PKNOX2: variants seen among roughly 807,000 people sequenced by gnomAD.
PKNOX2 encodes PBX/knotted 1 homeobox 2.
A neutral mutation model predicts 53.1 loss-of-function variants in PKNOX2; 14 were observed. The observed-to-expected ratio is 0.26, with a 90% CI of 0.17 to 0.41. The LOEUF is 0.41. PKNOX2 is among the 10% of genes least tolerant of loss of function. The pLI, the probability that PKNOX2 is intolerant of heterozygous loss-of-function variation, is 1.00. For missense variants in PKNOX2, 496 were observed against 602.8 expected, an observed-to-expected ratio of 0.82 and a Z score of 1.85; for synonymous variants, 257 against 242.8, an observed-to-expected ratio of 1.06 and a Z score of -0.54.
At chr11:125,406,878 G>T (rs1425923956) in intron 7 of PKNOX2, among the ~76,000 whole-genome samples, 4 of 143,492 alleles carry the variant, frequency 2.8e-5, no homozygotes, top group Non-Finnish European at 4.5e-5. Context: ...CTAGATGATG[G>T]GTGAGGGTCT....
chr11:125,266,855 G>A (rs1457965788), intron 2 of PKNOX2: 1 of 152,242 alleles, frequency 6.6e-6, no homozygotes, highest in Non-Finnish European at 1.5e-5. Context: ...TTAGCACAAG[G>A]AAATGAGGAA....
chr11:125,171,222 G>T (rs1955297138), intron 1 of PKNOX2, among the ~76,000 whole-genome samples: 1 of 152,202 alleles, frequency 6.6e-6, no homozygotes, highest in Non-Finnish European at 1.5e-5. Context: ...TTGCTGGGGA[G>T]GGGCAGCATG....
At chr11:125,178,864 C>G (rs533771662) in intron 1 of PKNOX2, among the ~76,000 whole-genome samples, 1 of 152,052 alleles carries the variant, frequency 6.6e-6, no homozygotes. Flanking sequence ...CCCAGGAAAA[C>G]GTACCTCCTG....
At chr11:125,298,089 A>G (rs74485235) in intron 2 of PKNOX2, among the ~76,000 whole-genome samples, 3,897 of 152,320 alleles carry the variant, frequency 0.026, 193 homozygotes, top group African/African-American at 0.089. Context: ...CAGTGAGGGC[A>G]CTGGGCAAGC....
chr11:125,180,318 C>T (rs1591471295), intron 1 of PKNOX2, among the ~76,000 whole-genome samples: 1 of 152,210 alleles, frequency 6.6e-6, no homozygotes, highest in Non-Finnish European at 1.5e-5. Context: ...TCTTCCCCCT[C>T]TGCTCTAATC....
At chr11:125,246,958 T>G (rs1283264648) in intron 2 of PKNOX2, among the ~76,000 whole-genome samples, 2 of 152,166 alleles carry the variant, frequency 1.3e-5, no homozygotes, top group Non-Finnish European at 2.9e-5. Flanking sequence ...TGCCAGGGGC[T>G]TTACAAGAAT....
chr11:125,399,492 G>A (rs998370625), intron 7 of PKNOX2, among the ~76,000 whole-genome samples: 1 of 152,226 alleles, frequency 6.6e-6, no homozygotes, highest in Admixed American at 6.5e-5. Context: ...AGCTGAGGAG[G>A]CTGTGAGGCC....
intron 3 of PKNOX2, chr11:125,332,681 A>G (rs1347491762): frequency 6.6e-6 from 1 of 152,166 alleles, no homozygotes; most frequent in Non-Finnish European, 1.5e-5. Context: ...GACCTTGCCC[A>G]GGATTTTGTA....
intron 1 of PKNOX2, among the ~76,000 whole-genome samples, chr11:125,175,801 C>T (rs574811042): frequency 9.2e-5 from 14 of 152,150 alleles, no homozygotes; most frequent in South Asian, 4.2e-4. Context: ...CACCTACTGT[C>T]GGGGCTGTGG....
rs371769378 is a variant in PKNOX2 at position 125,384,264 on chromosome 11, C to G, written c.228-1287C>G. Among the ~76,000 whole-genome samples, 9 of 152,204 alleles carry G rather than the reference C, an allele frequency of 5.9e-5. No individual in the cohort carries two copies. In the East Asian group the frequency reaches 7.7e-4, roughly 13 times the overall value. ...GAGCTAGATTCCTTCCCTCATGTAG[C>G]TCACAGTCTAGTGAGGAAGGCAGAC... On this transcript the variant is annotated intron_variant, in intron 5 of 12. Transcript: ENST00000298282.
chr11:125,178,697 A>AAG (rs1591470571), intron 1 of PKNOX2, among the ~76,000 whole-genome samples: 1 of 124,356 alleles, frequency 8.0e-6, no homozygotes, highest in African/African-American at 3.2e-5. Context: ...AGAGAGAGAG[A>AAG]GAAAGAAAGA....
intron 10 of PKNOX2, among the ~76,000 whole-genome samples, chr11:125,415,885 C>T (rs372213584): frequency 1.9e-4 from 29 of 152,318 alleles, no homozygotes; most frequent in African/African-American, 6.7e-4. Flanking sequence ...AAAAGATGGA[C>T]ATACCGTATA....
chr11:125,324,077 T>A (rs1949687789), intron 2 of PKNOX2, among the ~76,000 whole-genome samples: 1 of 152,148 alleles, frequency 6.6e-6, no homozygotes, highest in Admixed American at 6.5e-5. Context: ...CTTTGTCAAA[T>A]GAAATGTCAC....
At chr11:125,178,466 G>A (rs148403499) in intron 1 of PKNOX2, among the ~76,000 whole-genome samples, 3,996 of 148,982 alleles carry the variant, frequency 0.027, 185 homozygotes, top group African/African-American at 0.093. Flanking sequence ...AGCCGAGATT[G>A]TGCCATTACA....
chr11:125,393,566 C>T (rs754564578), intron 6 of PKNOX2, among the ~76,000 whole-genome samples: 9 of 152,114 alleles, frequency 5.9e-5, no homozygotes, highest in Non-Finnish European at 1.0e-4. Context: ...CACCATCAGG[C>T]GTGAATTGAG....
intron 2 of PKNOX2, chr11:125,277,479 T>C (rs1031414633): frequency 2.0e-5 from 3 of 152,194 alleles, no homozygotes; most frequent in African/African-American, 7.2e-5. Context: ...TGAGGTCTGA[T>C]GACAGGTGCT....
At chr11:125,425,682 C>G (rs914942438) in intron 10 of PKNOX2, among the ~76,000 whole-genome samples, 1 of 152,256 alleles carries the variant, frequency 6.6e-6, no homozygotes. Flanking sequence ...TCCTTGGCCC[C>G]AAGCCTGGCC....
At chr11:125,329,129 T>C (rs1433560724) in intron 2 of PKNOX2, among the ~76,000 whole-genome samples, 2 of 152,238 alleles carry the variant, frequency 1.3e-5, no homozygotes, top group African/African-American at 4.8e-5. Flanking sequence ...TGAGTAATTA[T>C]AGTATACCCA....
chr11:125,221,849 C>T (rs1179529814), intron 1 of PKNOX2, among the ~76,000 whole-genome samples: 3 of 152,194 alleles, frequency 2.0e-5, no homozygotes, highest in Non-Finnish European at 4.4e-5. Context: ...ATAAAAACTT[C>T]CTGTCCCCAA....
Sources: allele counts gnomAD v4.1 joint callset (sites outside exome capture counted in the v4.1 genomes callset), GRCh38; gene constraint gnomAD v4.1.1; transcripts MANE v1.5; gene names NCBI Gene and HGNC (gene_info 2026-07-23, HGNC 2026-07-21).